UBE2R2: variants seen among roughly 807,000 people sequenced by gnomAD.
The protein encoded by UBE2R2 is ubiquitin conjugating enzyme E2 R2, also known as ubiquitin-conjugating enzyme E2 R2.
Under a neutral mutation model 27.8 loss-of-function variants are expected in UBE2R2, and 1 was observed. The ratio of observed to expected loss-of-function variants is 0.04; its 90% CI spans 0.01 to 0.17. The LOEUF (loss-of-function observed/expected upper bound fraction) is 0.17. Among genes scored for constraint, UBE2R2 ranks in the 10% least tolerant of loss-of-function variants. UBE2R2 has a pLI of 1.00. For missense variants in UBE2R2, 100 were observed against 291.0 expected (o/e 0.34, Z 4.78); for synonymous variants, 106 against 113.3 (o/e 0.94, Z 0.41).
intron 1 of UBE2R2, among the ~76,000 whole-genome samples, chr9:33,885,425 G>C (rs573315898): frequency 2.4e-4 from 37 of 152,314 alleles, no homozygotes; most frequent in African/African-American, 8.7e-4. Context: ...TTTCAACAAA[G>C]CTGCCAGGGA....
chr9:33,827,950 G>A lies in UBE2R2; in HGVS notation c.177+10016G>A, dbSNP rs951335497. 4.0e-5 allele frequency among the ~76,000 whole-genome samples: 6 copies of A among 148,478 alleles called. No homozygotes were observed. The East Asian group carries it at 9.9e-4, about 25-fold the overall frequency. On this transcript the variant is annotated intron_variant, in intron 1 of 4. Coordinates refer to ENST00000263228, the MANE Select transcript of UBE2R2 (RefSeq NM_017811.4). ...TATGCCACTGCAATCCAGCCTGGGC[G>A]ACATAGCAAGACTCCCTCTCAAAAA...
chr9:33,831,497 A>C (rs1461507294), intron 1 of UBE2R2, among the ~76,000 whole-genome samples: 1 of 151,932 alleles, frequency 6.6e-6, no homozygotes, highest in African/African-American at 2.4e-5. Context: ...GCTCACTGCA[A>C]CCTCCACCTC....
chr9:33,850,689 T>TG (rs1820947296), intron 1 of UBE2R2, among the ~76,000 whole-genome samples: 1 of 151,990 alleles, frequency 6.6e-6, no homozygotes, highest in African/African-American at 2.4e-5. Flanking sequence ...TTGTTCCTTT[T>TG]TTACATTTAA....
chr9:33,878,710 A>G (rs1821668532), intron 1 of UBE2R2, among the ~76,000 whole-genome samples: 1 of 152,200 alleles, frequency 6.6e-6, no homozygotes, highest in Non-Finnish European at 1.5e-5. Context: ...CCAACTGCAG[A>G]GAAACAAAGG....
intron 1 of UBE2R2, among the ~76,000 whole-genome samples, chr9:33,858,112 T>C (rs1304151871): frequency 3.3e-5 from 5 of 152,212 alleles, no homozygotes; most frequent in Non-Finnish European, 7.3e-5. Flanking sequence ...AAATACTTAC[T>C]CACTTTCACA....
In UBE2R2 at chr9:33,877,823, G is replaced by GTCTGTCTGTCTGTCTCTCTC; in HGVS notation, c.178-9055_178-9054insGTCTGTCTGTCTCTCTCTCT. Among the ~76,000 whole-genome samples the GTCTGTCTGTCTGTCTCTCTC allele has an allele frequency of 5.1e-3, 674 of 131,100 alleles. 13 individuals carry two copies. The highest frequency in any genetic ancestry group is 0.021 in the African/African-American group (641 of 30,318). 86.0% of individuals were successfully genotyped at this position (131,100 alleles called of 152,430 possible). ...TCTCTGTCTGTCTGTCTGTCTGTCT[G>GTCTGTCTGTCTGTCTCTCTC]TCTCTCTCTCTCTCTCTCTCTCTCT... On this transcript the variant is annotated intron_variant, in intron 1 of 4. Transcript: ENST00000263228.
At chr9:33,817,128 TCCTCCCTCTCTC>T (rs1218085008), upstream of UBE2R2, among the ~76,000 whole-genome samples, 1 of 145,196 alleles carries the variant, frequency 6.9e-6, no homozygotes, top group Non-Finnish European at 1.5e-5. Context: ...CGTGCGCCCC[TCCTCCCTCTCTC>T]CCTCCCTCCC....
At chr9:33,886,733 G>C (rs1185039451) in intron 1 of UBE2R2, 148 bp from the exon 2 acceptor site, 1 of 564,176 alleles carries the variant, frequency 1.8e-6, no homozygotes, top group Non-Finnish European at 2.9e-6. Flanking sequence ...TGGCACTGGG[G>C]ATAACAAAGT....
intron 1 of UBE2R2, among the ~76,000 whole-genome samples, chr9:33,882,578 G>A (rs1480333271): frequency 1.3e-5 from 2 of 152,118 alleles, no homozygotes; most frequent in Admixed American, 6.6e-5. Flanking sequence ...CCACCATACC[G>A]GCCAAATAAT....
At chr9:33,884,965 A>G (rs1017589575) in intron 1 of UBE2R2, among the ~76,000 whole-genome samples, 2 of 152,104 alleles carry the variant, frequency 1.3e-5, no homozygotes, top group Non-Finnish European at 2.9e-5. Flanking sequence ...TAATGTCGAT[A>G]TTATTGTTAT....
intron 3 of UBE2R2, among the ~76,000 whole-genome samples, chr9:33,911,623 A>G (rs1406583479): frequency 2.0e-5 from 3 of 152,070 alleles, no homozygotes; most frequent in Non-Finnish European, 2.9e-5. Context: ...AGGGCCTTCT[A>G]TCAAGTTCAT....
Position 33,864,337 on chromosome 9 carries a change from G to A in UBE2R2, c.178-22544G>A, listed in dbSNP as rs1021360140. 2.6e-5 allele frequency among the ~76,000 whole-genome samples: 4 copies of A among 152,048 alleles called. No homozygotes were observed. The East Asian group carries it at 7.7e-4, about 29-fold the overall frequency. ...AGGATGTCTTATCCTGGCTGTCAAG[G>A]ATCCCATTTCTTAGATTAGCCATAA... On this transcript the variant is annotated intron_variant, in intron 1 of 4. Transcript: ENST00000263228.
intron 3 of UBE2R2, among the ~76,000 whole-genome samples, chr9:33,902,741 C>T (rs890380594): frequency 6.6e-6 from 1 of 152,088 alleles, no homozygotes; most frequent in Non-Finnish European, 1.5e-5. Context: ...GAAAAGTGTC[C>T]TACGTAGCAA....
intron 1 of UBE2R2, among the ~76,000 whole-genome samples, chr9:33,825,917 C>A (rs909097309): frequency 6.6e-6 from 1 of 152,076 alleles, no homozygotes; most frequent in Non-Finnish European, 1.5e-5. Flanking sequence ...CGGAGGTGGG[C>A]AGATCACTTG....
At chr9:33,873,885 C>T (rs58624154) in intron 1 of UBE2R2, among the ~76,000 whole-genome samples, 6 of 151,846 alleles carry the variant, frequency 4.0e-5, no homozygotes, top group East Asian at 3.9e-4. Context: ...TCAAGCGATC[C>T]GCCTGCCTTG....
At chr9:33,873,368 G>C (rs1213387680) in intron 1 of UBE2R2, among the ~76,000 whole-genome samples, 1 of 151,926 alleles carries the variant, frequency 6.6e-6, no homozygotes, top group Non-Finnish European at 1.5e-5. Context: ...GTGACTTCTA[G>C]ATATAATGAA....
At chr9:33,883,231 T>C (rs76915767) in intron 1 of UBE2R2, among the ~76,000 whole-genome samples, 104 of 152,334 alleles carry the variant, frequency 6.8e-4, no homozygotes, top group African/African-American at 2.5e-3. Flanking sequence ...AATTTTATAG[T>C]TTCTCTCTTA....
chr9:33,829,792 C>T (rs945297858), intron 1 of UBE2R2, among the ~76,000 whole-genome samples: 22 of 119,328 alleles, frequency 1.8e-4, no homozygotes, highest in South Asian at 6.0e-4. Flanking sequence ...TTAGTGCAAT[C>T]GTTTTTTTTT....
At chr9:33,855,530 A>G (rs918509414) in intron 1 of UBE2R2, among the ~76,000 whole-genome samples, 5 of 152,130 alleles carry the variant, frequency 3.3e-5, no homozygotes, top group African/African-American at 1.2e-4. Context: ...ATGGAAATCC[A>G]AGTTCGATTC....
Sources: gnomAD v4.1 joint callset for allele counts (sites outside exome capture counted in the v4.1 genomes callset) on GRCh38, gnomAD v4.1.1 for gene constraint, MANE v1.5 for transcripts, NCBI Gene and HGNC (gene_info 2026-07-23, HGNC 2026-07-21) for gene names.